The following TRIM33 variants were observed in gnomAD, a reference collection of about 807,000 sequenced individuals.
TRIM33 encodes E3 ubiquitin-protein ligase TRIM33.
In TRIM33, 20 loss-of-function variants were observed where a neutral mutation model predicts 125.4. The observed-to-expected ratio is 0.16, with a 90% CI of 0.11 to 0.23. The LOEUF (loss-of-function observed/expected upper bound fraction) is 0.23. TRIM33 is among the 10% of genes least tolerant of loss of function. The pLI, the probability that TRIM33 is intolerant of heterozygous loss-of-function variation, is 1.00. For missense variants in TRIM33, 920 were observed against 1,411.4 expected (o/e 0.65, Z 5.58); for synonymous variants, 564 against 513.9 (o/e 1.10, Z -1.32).
At position 114,405,391 on chromosome 1, in the gene TRIM33, T is replaced by C. The variant is rs1557843756; in HGVS notation, c.2768+19A>G. On this transcript the variant is annotated intron_variant, in intron 15 of 19. Transcript: ENST00000358465. ...AGCTTATGAAAATCAACACCAAAAATCAATTATTTCACTGGTACCTTGGAA... is the reference window on the plus strand; with the variant it reads ...AGCTTATGAAAATCAACACCAAAAACCAATTATTTCACTGGTACCTTGGAA... The C allele has an allele frequency of 2.6e-6, 4 of 1,560,642 alleles. No individual in the cohort carries two copies. The highest frequency in any genetic ancestry group is 2.2e-5 in the East Asian group (1 of 44,534).
chr1:114,474,141 T>A (rs1650830150), intron 1 of TRIM33, among the ~76,000 whole-genome samples: 1 of 151,814 alleles, frequency 6.6e-6, no homozygotes, highest in African/African-American at 2.4e-5. Context: ...CCTCAAGCAA[T>A]CCTCCCGCTT....
rs918347974 is a variant in TRIM33, at chr1:114,510,837, A to C, written c.240T>G (p.Ser80=). ...CTCCAGTGCCCACTGAGGCCGCAGG[A>C]GATGAAGCAGCCTGGGCCGAGCCCG... ...ASSGSAQAAS[S]PAASVGTGVA... is the part of the protein sequence containing the mutation. Residue 80 remains serine (S), a synonymous_variant, in exon 1 of 20, where the codon TCT becomes TCG. Transcript: ENST00000358465. 7 of 1,517,240 alleles carry C rather than the reference A, an allele frequency of 4.6e-6. No individual in the cohort carries two copies. Among genetic ancestry groups the C allele is most frequent in the Non-Finnish European group, 6.1e-6 (7 of 1,139,918 alleles). The allele number at this position is 1,517,240 out of a possible 1,614,324, so 94.0% of individuals were successfully genotyped here. A position where few individuals can be genotyped will look rare whatever the true frequency, so the allele number is the denominator to read the frequency against.
intron 8 of TRIM33, among the ~76,000 whole-genome samples, 175 bp from the exon 9 acceptor site, chr1:114,425,898 A>G (rs917022289): frequency 6.6e-6 from 1 of 152,236 alleles, no homozygotes; most frequent in Non-Finnish European, 1.5e-5. Context: ...AACTTAATAC[A>G]TTCCAAAGCT....
At chr1:114,426,741 A>C (rs1223223071) in intron 8 of TRIM33, among the ~76,000 whole-genome samples, 1 of 152,162 alleles carries the variant, frequency 6.6e-6, no homozygotes, top group African/African-American at 2.4e-5. Flanking sequence ...ATGTGAAAAG[A>C]GCTACTCTTA....
intron 1 of TRIM33, among the ~76,000 whole-genome samples, chr1:114,487,233 T>A (rs181318859): frequency 6.6e-6 from 1 of 150,488 alleles, no homozygotes; most frequent in East Asian, 2.0e-4. Context: ...TCATAAAAGT[T>A]CTGAAAGATA....
intron 1 of TRIM33, among the ~76,000 whole-genome samples, chr1:114,480,476 T>TAAAAAAAAAAA (rs61241613): frequency 3.9e-5 from 3 of 77,866 alleles, no homozygotes; most frequent in Non-Finnish European, 7.2e-5. Context: ...ATGATCAATT[T>TAAAAAAAAAAA]AAAAAAAAAA....
At chr1:114,422,218 G>A (rs190215164) in intron 10 of TRIM33, among the ~76,000 whole-genome samples, 42 of 152,178 alleles carry the variant, frequency 2.8e-4, no homozygotes, top group South Asian at 1.7e-3. Context: ...TTAAGAAAAC[G>A]AATTCTACAC....
At chr1:114,398,111 C>A (rs532977245) in intron 18 of TRIM33, 121 bp from the exon 19 acceptor site, 4 of 962,612 alleles carry the variant, frequency 4.2e-6, no homozygotes, top group Non-Finnish European at 4.6e-6. Flanking sequence ...ATTGCTATAA[C>A]CAGATAAAGT....
chr1:114,475,315 C>T lies in TRIM33; in HGVS notation c.527-10927G>A, dbSNP rs962148753. On this transcript the variant is annotated intron_variant, in intron 1 of 19. Transcript: ENST00000358465. ...GCCAAAGATGAAGAACCACAATAAT[C>T]TCTGAAGATAGCACTTCTAAATAAA... Among the ~76,000 whole-genome samples, 7 of 152,198 alleles carry T rather than the reference C, an allele frequency of 4.6e-5. No individual in the cohort carries two copies. The East Asian group carries it at 1.3e-3, about 29-fold the overall frequency.
intron 4 of TRIM33, 137 bp downstream of exon 4, chr1:114,462,967 C>A: frequency 3.1e-6 from 2 of 637,938 alleles, no homozygotes; most frequent in South Asian, 5.2e-5. Context: ...ATATATTGCT[C>A]AAGAAATTAA....
intron 15 of TRIM33, 122 bp from the exon 16 acceptor site, chr1:114,403,005 T>C (rs1188617815): frequency 2.0e-6 from 2 of 1,020,814 alleles, no homozygotes; most frequent in Non-Finnish European, 2.7e-6. Context: ...AGGGAGGTTT[T>C]ATAGTTGTGA....
rs1651370548 is a variant in TRIM33 at position 114,393,181 on chromosome 1, G to C, written c.*4467C>G. On this transcript the variant is annotated 3_prime_UTR_variant, in exon 20 of 20. Coordinates refer to ENST00000358465, the MANE Select transcript of TRIM33 (RefSeq NM_015906.4). The stretch of plus-strand genomic sequence containing the variant: ...AATACTGGAAGCAAGGAACTAGTAA[G>C]GCTGTGAATTTAACCCTTTCGTGTG... 4.6e-6 allele frequency: 1 copy of C among 215,584 alleles called. No homozygotes were observed. Among genetic ancestry groups the C allele is most frequent in the South Asian group, 1.9e-4 (1 of 5,402 alleles). 13.4% of individuals were successfully genotyped at this position (215,584 alleles called of 1,614,324 possible).
At position 114,464,255 on chromosome 1, in the gene TRIM33, A is replaced by T. The variant is rs370901257; in HGVS notation, c.645+15T>A. The T allele has an allele frequency of 3.5e-6, 5 of 1,423,704 alleles. No homozygotes were observed. The highest frequency in any genetic ancestry group is 4.8e-6 in the Non-Finnish European group (5 of 1,031,432). The allele number at this position is 1,423,704 out of a possible 1,614,324, so 88.2% of individuals were successfully genotyped here. ...ATATCAAGATAGGAATATAAAGAAA[A>T]ATTGAGAAGCATACCTGTTCTGATT... is the stretch of plus-strand genomic sequence containing the variant. On this transcript the variant is annotated intron_variant, in intron 2 of 19. Transcript: ENST00000358465.
chr1:114,434,127 T>C (rs1271201085), intron 4 of TRIM33, among the ~76,000 whole-genome samples: 1 of 152,218 alleles, frequency 6.6e-6, no homozygotes, highest in East Asian at 1.9e-4. Flanking sequence ...AAATTACTGC[T>C]ACCACTGTAA....
Position 114,466,893 on chromosome 1 carries a change from C to T in TRIM33, c.527-2505G>A, listed in dbSNP as rs971110929. 5.3e-5 allele frequency among the ~76,000 whole-genome samples: 8 copies of T among 152,174 alleles called. No individual in the cohort carries two copies. In the East Asian group the frequency reaches 7.7e-4, roughly 15 times the overall value. ...ATTACAGGCGTGAGCCACCGCACCCCGCCAGATCAGTTAACTCTTCAAGAA... is the reference window on the plus strand; with the variant it reads ...ATTACAGGCGTGAGCCACCGCACCCTGCCAGATCAGTTAACTCTTCAAGAA... On this transcript the variant is annotated intron_variant, in intron 1 of 19. Transcript: ENST00000358465.
At chr1:114,493,958 G>A (rs748271430) in intron 1 of TRIM33, among the ~76,000 whole-genome samples, 17 of 151,418 alleles carry the variant, frequency 1.1e-4, no homozygotes, top group African/African-American at 3.2e-4. Flanking sequence ...CCCAAGTAGC[G>A]GGATTACAAG....
intron 1 of TRIM33, among the ~76,000 whole-genome samples, chr1:114,504,342 A>AT (rs373064414): frequency 6.6e-6 from 1 of 151,520 alleles, no homozygotes; most frequent in Non-Finnish European, 1.5e-5. Context: ...ATTTTTTTGT[A>AT]TTTTTTGTAG....
chr1:114,442,204 A>C (rs1648694911), intron 4 of TRIM33, among the ~76,000 whole-genome samples: 1 of 152,238 alleles, frequency 6.6e-6, no homozygotes, highest in African/African-American at 2.4e-5. Context: ...TGTTGAGTGA[A>C]GTTCAATAAA....
intron 1 of TRIM33, among the ~76,000 whole-genome samples, chr1:114,481,528 T>C (rs1651339965): frequency 6.6e-6 from 1 of 150,798 alleles, no homozygotes; most frequent in African/African-American, 2.4e-5. Flanking sequence ...GTGGCAGAGG[T>C]TGCAGTGAGC....
Sources: allele counts gnomAD v4.1 joint callset (sites outside exome capture counted in the v4.1 genomes callset), GRCh38; gene constraint gnomAD v4.1.1; transcripts MANE v1.5; gene names NCBI Gene and HGNC (gene_info 2026-07-23, HGNC 2026-07-21).